The following SYT1 variants were observed in gnomAD, a reference collection of about 807,000 sequenced individuals.
The protein encoded by SYT1 is synaptotagmin 1, also known as synaptotagmin-1.
In SYT1, 8 loss-of-function variants were observed where a neutral mutation model predicts 44.8. The observed-to-expected ratio is 0.18, with a 90% CI of 0.10 to 0.32. The LOEUF is 0.32. SYT1 is among the 10% of genes least tolerant of loss of function. SYT1 has a pLI of 1.00. For synonymous variants in SYT1, 154 were observed against 188.8 expected (o/e 0.82, Z 1.51); for missense variants, 286 against 509.3 (o/e 0.56, Z 4.22).
chr12:78,991,964 G>C (rs1592640348), intron 2 of SYT1, among the ~76,000 whole-genome samples: 1 of 152,114 alleles, frequency 6.6e-6, no homozygotes, highest in African/African-American at 2.4e-5. Context: ...TGCAGCCTCA[G>C]AATGTAGATC....
chr12:78,952,659 A>C (rs1202484166), intron 1 of SYT1, among the ~76,000 whole-genome samples: 1 of 152,126 alleles, frequency 6.6e-6, no homozygotes, highest in Non-Finnish European at 1.5e-5. Context: ...GAATCACTCT[A>C]TTCCTACATT....
At chr12:79,192,774 G>A (rs1044265574) in intron 3 of SYT1, among the ~76,000 whole-genome samples, 2 of 152,156 alleles carry the variant, frequency 1.3e-5, no homozygotes, top group Admixed American at 6.5e-5. Flanking sequence ...CTCACAGTAT[G>A]AGAGTTGAGT....
chr12:79,235,775 T>A lies in SYT1; in HGVS notation c.166+18090T>A, dbSNP rs187908834. ...TCAAAGAAGATATGAATGGCTAAGT[T>A]CATGTAAACATGTTCAGCATTCTTA... On this transcript the variant is annotated intron_variant, in intron 4 of 10. Transcript: ENST00000261205. 8.5e-4 allele frequency among the ~76,000 whole-genome samples: 129 copies of A among 152,032 alleles called. 1 individual carries two copies. Among genetic ancestry groups the A allele is most frequent in the Admixed American group, 2.8e-3 (43 of 15,224 alleles).
intron 3 of SYT1, among the ~76,000 whole-genome samples, chr12:79,121,929 A>T (rs1817771570): frequency 6.6e-6 from 1 of 152,222 alleles, no homozygotes; most frequent in Non-Finnish European, 1.5e-5. Context: ...CCTGATATAT[A>T]CAAAAAAGTG....
intron 9 of SYT1, among the ~76,000 whole-genome samples, chr12:79,422,330 T>C (rs1022758704): frequency 1.8e-4 from 27 of 152,030 alleles, no homozygotes; most frequent in Admixed American, 6.6e-5. Context: ...TTTTGCATGC[T>C]ATGTTCCTTT....
At chr12:78,951,934 G>A (rs1001468894) in intron 1 of SYT1, among the ~76,000 whole-genome samples, 8 of 152,174 alleles carry the variant, frequency 5.3e-5, no homozygotes, top group African/African-American at 1.9e-4. Flanking sequence ...TCCAGCTTTC[G>A]AAGGAGACTC....
chr12:79,078,958 A>G (rs1289434460), intron 3 of SYT1, among the ~76,000 whole-genome samples: 2 of 152,174 alleles, frequency 1.3e-5, no homozygotes, highest in Non-Finnish European at 2.9e-5. Flanking sequence ...ATTCAGCTAT[A>G]TTAAGAGGAA....
At chr12:79,007,582 T>G (rs1381367308) in intron 2 of SYT1, among the ~76,000 whole-genome samples, 1 of 152,138 alleles carries the variant, frequency 6.6e-6, no homozygotes, top group African/African-American at 2.4e-5. Flanking sequence ...AGAATTTACT[T>G]TTTCTTAATT....
intron 4 of SYT1, among the ~76,000 whole-genome samples, chr12:79,257,076 T>G (rs1877563184): frequency 6.6e-6 from 1 of 152,218 alleles, no homozygotes; most frequent in Non-Finnish European, 1.5e-5. Flanking sequence ...AAGAGAATTT[T>G]GTTGAATTTA....
chr12:78,976,688 G>A (rs1189667004), intron 1 of SYT1: 3 of 152,116 alleles, frequency 2.0e-5, no homozygotes, highest in Non-Finnish European at 2.9e-5. Flanking sequence ...ACAGTAGAAC[G>A]ATGTGATTTG....
intron 3 of SYT1, among the ~76,000 whole-genome samples, chr12:79,124,307 C>T (rs933037073): frequency 2.0e-5 from 3 of 151,842 alleles, no homozygotes; most frequent in South Asian, 2.1e-4. Flanking sequence ...ATATACCCTT[C>T]GCAACTTTCT....
intron 8 of SYT1, among the ~76,000 whole-genome samples, chr12:79,323,357 T>G (rs1881457726): frequency 6.6e-6 from 1 of 152,186 alleles, no homozygotes; most frequent in African/African-American, 2.4e-5. Context: ...ATATCAGCCC[T>G]TGCTGACATT....
At chr12:78,955,897 A>G (rs1275752318) in intron 1 of SYT1, among the ~76,000 whole-genome samples, 3 of 150,982 alleles carry the variant, frequency 2.0e-5, no homozygotes, top group Non-Finnish European at 4.4e-5. Flanking sequence ...TATCAATTGC[A>G]TTTTCCCCTA....
chr12:78,991,857 T>C (rs1381597718), intron 2 of SYT1, among the ~76,000 whole-genome samples: 1 of 152,216 alleles, frequency 6.6e-6, no homozygotes, highest in Non-Finnish European at 1.5e-5. Context: ...ATGCCAAGTT[T>C]ATTTGGCTTT....
At chr12:79,187,427 T>C (rs1872866343) in intron 3 of SYT1, among the ~76,000 whole-genome samples, 1 of 152,082 alleles carries the variant, frequency 6.6e-6, no homozygotes, top group Non-Finnish European at 1.5e-5. Context: ...TTTTTATGTC[T>C]ATCTTTAGTT....
intron 9 of SYT1, among the ~76,000 whole-genome samples, chr12:79,417,463 C>A (rs989274701): frequency 6.6e-6 from 1 of 152,138 alleles, no homozygotes; most frequent in African/African-American, 2.4e-5. Flanking sequence ...ATGACAACAG[C>A]CTCTCAAAGC....
At chr12:79,106,502 CTT>C (rs568453527) in intron 3 of SYT1, among the ~76,000 whole-genome samples, 27 of 139,938 alleles carry the variant, frequency 1.9e-4, no homozygotes, top group African/African-American at 2.4e-4. Context: ...GTTTATAATG[CTT>C]TTTTTTTTTT....
intron 9 of SYT1, among the ~76,000 whole-genome samples, chr12:79,435,568 C>G (rs1191960218): frequency 6.6e-6 from 1 of 152,020 alleles, no homozygotes; most frequent in Non-Finnish European, 1.5e-5. Context: ...AGTTAGGGAC[C>G]CAGGATCTTC....
chr12:79,313,604 A>G (rs1322132339), intron 8 of SYT1, among the ~76,000 whole-genome samples: 1 of 57,540 alleles, frequency 1.7e-5, no homozygotes, highest in Non-Finnish European at 3.8e-5. Flanking sequence ...TTTAAAAAGC[A>G]AAAAAAAAAA....
Sources: gnomAD v4.1 joint callset for allele counts (sites outside exome capture counted in the v4.1 genomes callset) on GRCh38, gnomAD v4.1.1 for gene constraint, MANE v1.5 for transcripts, NCBI Gene and HGNC (gene_info 2026-07-23, HGNC 2026-07-21) for gene names.